Variants in CCDC171 observed in about 807,000 individuals in gnomAD.
The protein encoded by CCDC171 is coiled-coil domain containing 171, also known as coiled-coil domain-containing protein 171.
Under a neutral mutation model 168.2 loss-of-function variants are expected in CCDC171, and 177 were observed. The ratio of observed to expected loss-of-function variants is 1.05; its 90% CI spans 0.93 to 1.19. The LOEUF is 1.19. CCDC171 is among the 50% of genes most tolerant of loss of function. The pLI, the probability that CCDC171 is intolerant of heterozygous loss-of-function variation, is 0.00. For missense variants in CCDC171, 1,991 were observed against 1,539.0 expected, an observed-to-expected ratio of 1.29 and a Z score of -4.91; for synonymous variants, 687 against 540.8, an observed-to-expected ratio of 1.27 and a Z score of -3.75.
intron 11 of CCDC171, among the ~76,000 whole-genome samples, chr9:15,709,384 G>A (rs1354233151): frequency 6.6e-6 from 1 of 151,944 alleles, no homozygotes; most frequent in Non-Finnish European, 1.5e-5. Flanking sequence ...AGGACAAAAT[G>A]TAGAAAAAAG....
intron 11 of CCDC171, among the ~76,000 whole-genome samples, chr9:15,704,131 A>C (rs538204403): frequency 6.6e-6 from 1 of 152,252 alleles, no homozygotes; most frequent in Admixed American, 6.5e-5. Flanking sequence ...GAAATGCAAT[A>C]AAACAAGGTA....
chr9:15,800,950 C>G (rs188798263), intron 21 of CCDC171, among the ~76,000 whole-genome samples: 1 of 152,110 alleles, frequency 6.6e-6, no homozygotes, highest in East Asian at 1.9e-4. Context: ...TCTGGGCTCT[C>G]TATTCATTCC....
intron 24 of CCDC171, among the ~76,000 whole-genome samples, chr9:15,918,589 A>G (rs539870268): frequency 5.7e-4 from 87 of 151,832 alleles, no homozygotes; most frequent in African/African-American, 1.7e-3. Flanking sequence ...TATAGTTTGT[A>G]TTAGTATTAG....
At chr9:15,996,505 C>T (rs1832379498) in intron 3 of CCDC171, among the ~76,000 whole-genome samples, 1 of 143,678 alleles carries the variant, frequency 7.0e-6, no homozygotes, top group African/African-American at 2.6e-5. Flanking sequence ...AAACCCATCA[C>T]ATGAGGTCGG....
At chr9:15,630,515 G>A (rs923660767) in intron 7 of CCDC171, among the ~76,000 whole-genome samples, 1 of 152,156 alleles carries the variant, frequency 6.6e-6, no homozygotes, top group Non-Finnish European at 1.5e-5. Flanking sequence ...GGAGCACGAA[G>A]ATTCATAAAG....
At chr9:15,903,641 C>T (rs868670095) in intron 24 of CCDC171, among the ~76,000 whole-genome samples, 7 of 152,192 alleles carry the variant, frequency 4.6e-5, no homozygotes, top group African/African-American at 9.7e-5. Flanking sequence ...CAAAGGAACT[C>T]GGCTCCTCAC....
intron 21 of CCDC171, among the ~76,000 whole-genome samples, chr9:15,823,323 A>G (rs1036114865): frequency 6.6e-6 from 1 of 152,158 alleles, no homozygotes; most frequent in Non-Finnish European, 1.5e-5. Context: ...TTAAAGTATA[A>G]TAATAATAAA....
the CCDC171 span, among the ~76,000 whole-genome samples, chr9:16,099,944 T>C: frequency 1.1e-3 from 161 of 151,684 alleles, no homozygotes; most frequent in African/African-American, 3.7e-3. Flanking sequence ...AAAAGGCCAG[T>C]CTATGACAAA....
At chr9:15,800,228 C>T (rs974604847) in intron 21 of CCDC171, among the ~76,000 whole-genome samples, 8 of 152,112 alleles carry the variant, frequency 5.3e-5, no homozygotes, top group Non-Finnish European at 2.9e-5. Flanking sequence ...TTTACATTCC[C>T]ACCAACAGCA....
At chr9:15,626,588 T>A (rs2132158039) in intron 7 of CCDC171, among the ~76,000 whole-genome samples, 1 of 152,302 alleles carries the variant, frequency 6.6e-6, no homozygotes, top group East Asian at 1.9e-4. Flanking sequence ...GTTTTTGTCT[T>A]TGGGTCTGTT....
chr9:15,729,839 C>G (rs1039732626), intron 16 of CCDC171, 41 bp downstream of exon 16: 1 of 1,532,328 alleles, frequency 6.5e-7, no homozygotes, highest in African/African-American at 1.4e-5. Context: ...ATGGGTTACT[C>G]AGTGTAACCA....
At chr9:16,020,355 C>T (rs1312610138) in intron 3 of CCDC171, among the ~76,000 whole-genome samples, 1 of 152,118 alleles carries the variant, frequency 6.6e-6, no homozygotes, top group Non-Finnish European at 1.5e-5. Flanking sequence ...AAATTTGAAA[C>T]ACTTCTGGTT....
In CCDC171 at chr9:15,964,744, G is replaced by A. The variant is rs371171591; in HGVS notation, c.3754-6865G>A. On this transcript the variant is annotated intron_variant, in intron 25 of 25. Transcript: ENST00000380701. ...AGTAATTTAAAATTAAAGTTTAAAT[G>A]TTCTCGTGTAATTTAATTAATTAAT... is the stretch of plus-strand genomic sequence containing the variant. Among the ~76,000 whole-genome samples the A allele has an allele frequency of 2.8e-3, 420 of 152,200 alleles. 2 individuals are homozygous for A. Among genetic ancestry groups the A allele is most frequent in the African/African-American group, 9.5e-3 (393 of 41,530 alleles).
At chr9:15,743,709 C>A in intron 16 of CCDC171, among the ~76,000 whole-genome samples, 1 of 152,180 alleles carries the variant, frequency 6.6e-6, no homozygotes, top group East Asian at 1.9e-4. Flanking sequence ...GTATAGCTTT[C>A]TGTCATGGGG....
rs913242647 is a variant in CCDC171, at chr9:15,561,243, C to T, written c.-111-2735C>T. 2.0e-5 allele frequency among the ~76,000 whole-genome samples: 3 copies of T among 152,110 alleles called. No individual in the cohort carries two copies. In the South Asian group the frequency reaches 6.2e-4, roughly 32 times the overall value. On this transcript the variant is annotated intron_variant, in intron 1 of 25. Coordinates refer to ENST00000380701, the MANE Select transcript of CCDC171 (RefSeq NM_173550.4). The stretch of plus-strand genomic sequence containing the variant: ...GACAATATGTAGAAAGTTTTTAATA[C>T]GATGCCTGGAGAAGGGAGTTTTGTG...
intron 4 of CCDC171, among the ~76,000 whole-genome samples, chr9:15,580,768 T>C (rs1169112538): frequency 6.6e-6 from 1 of 152,160 alleles, no homozygotes; most frequent in Non-Finnish European, 1.5e-5. Context: ...GGAACACTTT[T>C]ACACTGCTGG....
At chr9:15,774,383 G>A (rs2057190767) in intron 18 of CCDC171, among the ~76,000 whole-genome samples, 2 of 149,632 alleles carry the variant, frequency 1.3e-5, no homozygotes, top group East Asian at 4.0e-4. Context: ...ATCGGGAAAT[G>A]TAAATCAAAA....
At chr9:15,729,227 A>T (rs2134317835) in intron 15 of CCDC171, among the ~76,000 whole-genome samples, 1 of 152,266 alleles carries the variant, frequency 6.6e-6, no homozygotes, top group East Asian at 1.9e-4. Flanking sequence ...GCTTTATTTC[A>T]TGTAAACTGT....
intron 8 of CCDC171, among the ~76,000 whole-genome samples, chr9:15,662,675 T>C (rs1287504286): frequency 6.6e-6 from 1 of 152,142 alleles, no homozygotes; most frequent in Non-Finnish European, 1.5e-5. Flanking sequence ...TAATAAATAT[T>C]GATTAAATAA....
Sources: allele counts gnomAD v4.1 joint callset (sites outside exome capture counted in the v4.1 genomes callset), GRCh38; gene constraint gnomAD v4.1.1; transcripts MANE v1.5; gene names NCBI Gene and HGNC (gene_info 2026-07-23, HGNC 2026-07-21).